NUP58: variants seen among roughly 807,000 people sequenced by gnomAD.
NUP58 encodes the protein nucleoporin p58/p45.
A neutral mutation model predicts 70.1 loss-of-function variants in NUP58; 17 were observed. The ratio of observed to expected loss-of-function variants is 0.24; its 90% CI spans 0.17 to 0.36. NUP58 has a LOEUF of 0.36. Ranked by LOEUF, NUP58 falls within the 10% of genes least tolerant of loss-of-function variation. The pLI is 1.00. For synonymous variants in NUP58, 275 were observed against 257.6 expected (o/e 1.07, Z -0.65); for missense variants, 644 against 701.5 (o/e 0.92, Z 0.93).
intron 13 of NUP58, chr13:25,333,647 T>C: frequency 1.7e-5 from 17 of 985,400 alleles, no homozygotes; most frequent in Non-Finnish European, 2.0e-5. Flanking sequence ...ATTTTCGTTA[T>C]TTTTAGTCAT....
At chr13:25,305,753 G>T (rs1405732786) in intron 1 of NUP58, among the ~76,000 whole-genome samples, 1 of 152,138 alleles carries the variant, frequency 6.6e-6, no homozygotes, top group Middle Eastern at 3.4e-3. Context: ...CTTACTGAAG[G>T]TGTGTACATT....
At chr13:25,313,799 A>G (rs1159048753) in intron 5 of NUP58, 48 bp downstream of exon 5, 1 of 1,384,194 alleles carries the variant, frequency 7.2e-7, no homozygotes, top group African/African-American at 1.6e-5. Flanking sequence ...TTATATTTAA[A>G]TGTACTTATT....
chr13:25,322,098 A>G (rs992654609), intron 9 of NUP58, among the ~76,000 whole-genome samples: 2 of 152,358 alleles, frequency 1.3e-5, no homozygotes, highest in African/African-American at 4.8e-5. Context: ...CCGTAATTAC[A>G]GAATATACTT....
At position 25,323,515 on chromosome 13, in the gene NUP58, T is replaced by C. The variant is rs1032042977; in HGVS notation, c.952-1474T>C. The stretch of plus-strand genomic sequence containing the variant: ...TAGTAGCTAGGAACTAATACTCTAC[T>C]AAGAGTCTAGTGAATTACCAATTGA... On this transcript the variant is annotated intron_variant, in intron 9 of 15. Coordinates refer to ENST00000381736, the MANE Select transcript of NUP58 (RefSeq NM_014089.4). Among the ~76,000 whole-genome samples, 7 of 152,292 alleles carry C rather than the reference T, an allele frequency of 4.6e-5. No homozygotes were observed. In the South Asian group the frequency reaches 1.2e-3, roughly 27 times the overall value.
At chr13:25,332,500 G>C in intron 13 of NUP58, 1 of 984,146 alleles carries the variant, frequency 1.0e-6, no homozygotes, top group African/African-American at 1.7e-5. Flanking sequence ...GTCTTTCTGA[G>C]AGTTCCATAT....
chr13:25,343,703 C>T (rs544789157), downstream of NUP58, among the ~76,000 whole-genome samples: 132 of 151,532 alleles, frequency 8.7e-4, no homozygotes, highest in African/African-American at 2.5e-3. Flanking sequence ...GTAATCTGCC[C>T]GCCTCGGCCT....
At chr13:25,337,732 A>C (rs1046194731) in intron 14 of NUP58, among the ~76,000 whole-genome samples, 9 of 152,154 alleles carry the variant, frequency 5.9e-5, no homozygotes, top group Non-Finnish European at 1.0e-4. Context: ...CCTATAAGCT[A>C]TTACGGTTGT....
Position 25,313,650 on chromosome 13 carries a change from C to G in NUP58, c.473C>G (p.Thr158Arg), listed in dbSNP as rs2030785792. 4 of 1,525,370 alleles carry G rather than the reference C, an allele frequency of 2.6e-6. No homozygotes were observed. Among genetic ancestry groups the G allele is most frequent in the Non-Finnish European group, 3.5e-6 (4 of 1,149,848 alleles). 94.5% of individuals were successfully genotyped at this position (1,525,370 alleles called of 1,614,324 possible). ...TGFTLNNLGG[T>R]TATTTTASTG... ...TTTACTCTAAATAATTTGGGTGGGA[C>G]AACAGCCACAACTACAACTGCATCA... is the stretch of plus-strand genomic sequence containing the variant. Residue 158 changes from threonine to arginine, a missense_variant, in exon 5 of 16, where the codon ACA (threonine) becomes AGA (arginine). By Grantham distance (71) the Thr-to-Arg change is moderately conservative. Transcript: ENST00000381736.
chr13:25,318,460 T>C (rs1253531743), intron 6 of NUP58, among the ~76,000 whole-genome samples: 1 of 152,186 alleles, frequency 6.6e-6, no homozygotes, highest in Non-Finnish European at 1.5e-5. Context: ...TTAACATCTC[T>C]GAAATTGAGA....
At chr13:25,328,234 G>T (rs916904331) in intron 12 of NUP58, among the ~76,000 whole-genome samples, 2 of 151,878 alleles carry the variant, frequency 1.3e-5, no homozygotes, top group Non-Finnish European at 1.5e-5. Context: ...AGTAGCAAAT[G>T]ATTTTGTACT....
chr13:25,329,389 T>C (rs2031523377), intron 12 of NUP58, among the ~76,000 whole-genome samples: 2 of 152,132 alleles, frequency 1.3e-5, no homozygotes, highest in African/African-American at 4.8e-5. Flanking sequence ...TTAGCAGCAC[T>C]GTCTCCTCTC....
Position 25,313,633 on chromosome 13 carries a change from A to G in NUP58, c.456A>G (p.Leu152=). The part of the protein sequence containing the change: ...STPAASTGFT[L]NNLGGTTATT... ...TTATAGCATCCACAGGATTTACTCTAAATAATTTGGGTGGGACAACAGCCA... is the reference window on the plus strand; with the variant it reads ...TTATAGCATCCACAGGATTTACTCTGAATAATTTGGGTGGGACAACAGCCA... The change falls in exon 5 of 16, where the codon CTA becomes CTG. Residue 152 remains leucine (L), a synonymous_variant. Coordinates refer to ENST00000381736, the MANE Select transcript of NUP58 (RefSeq NM_014089.4). 1 of 1,520,732 alleles carries G rather than the reference A, an allele frequency of 6.6e-7. No homozygotes were observed. Among genetic ancestry groups the G allele is most frequent in the Non-Finnish European group, 8.7e-7 (1 of 1,147,580 alleles). The allele number at this position is 1,520,732 out of a possible 1,614,324, so 94.2% of individuals were successfully genotyped here. A position where few individuals can be genotyped will look rare whatever the true frequency, so the allele number is the denominator to read the frequency against.
chr13:25,303,539 T>C (rs898527514), intron 1 of NUP58, among the ~76,000 whole-genome samples: 2 of 152,178 alleles, frequency 1.3e-5, no homozygotes, highest in Non-Finnish European at 2.9e-5. Flanking sequence ...CAACATGGCC[T>C]TTTCTCTTTT....
intron 3 of NUP58, among the ~76,000 whole-genome samples, chr13:25,310,193 C>G (rs553525377): frequency 5.4e-5 from 8 of 148,094 alleles, no homozygotes; most frequent in African/African-American, 2.0e-4. Context: ...GCACATACCA[C>G]AACCCTTGGC....
chr13:25,339,156 A>G (rs1414314027), intron 15 of NUP58, among the ~76,000 whole-genome samples: 1 of 152,182 alleles, frequency 6.6e-6, no homozygotes, highest in Non-Finnish European at 1.5e-5. Flanking sequence ...ACAAATGATT[A>G]TTAATTTAGT....
At chr13:25,308,891 A>G (rs2030514714) in intron 2 of NUP58, among the ~76,000 whole-genome samples, 1 of 152,222 alleles carries the variant, frequency 6.6e-6, no homozygotes, top group African/African-American at 2.4e-5. Context: ...CATCTAGAAA[A>G]TGGAAGAACT....
intron 13 of NUP58, chr13:25,335,683 G>T (rs1488084134): frequency 1.0e-6 from 1 of 984,902 alleles, no homozygotes; most frequent in Non-Finnish European, 1.2e-6. Context: ...CTGTCCCAGT[G>T]TAGCAAAATG....
At chr13:25,339,353 A>G (rs1187442676) in intron 15 of NUP58, among the ~76,000 whole-genome samples, 1 of 152,210 alleles carries the variant, frequency 6.6e-6, no homozygotes. Context: ...AGAGAATTTG[A>G]AGGAATTAAG....
downstream of NUP58, among the ~76,000 whole-genome samples, chr13:25,343,912 CTA>C (rs966319269): frequency 1.3e-5 from 2 of 150,564 alleles, no homozygotes; most frequent in Admixed American, 1.3e-4. Context: ...GTTCATTTGA[CTA>C]TTTCAGTTTC....
Sources: gnomAD v4.1 joint callset for allele counts (sites outside exome capture counted in the v4.1 genomes callset) on GRCh38, gnomAD v4.1.1 for gene constraint, MANE v1.5 for transcripts, NCBI Gene and HGNC (gene_info 2026-07-23, HGNC 2026-07-21) for gene names.